Variants in MCF2L observed in about 807,000 individuals in gnomAD.
The protein encoded by MCF2L is guanine nucleotide exchange factor DBS.
Under a neutral mutation model 153.4 loss-of-function variants are expected in MCF2L, and 97 were observed. The ratio of observed to expected loss-of-function variants is 0.63; its 90% CI spans 0.54 to 0.75. MCF2L has a LOEUF of 0.75. Ranked by LOEUF, MCF2L falls within the 30% of genes least tolerant of loss-of-function variation. The pLI is 0.00. For missense variants in MCF2L, 1,347 were observed against 1,495.2 expected (o/e 0.90, Z 1.64); for synonymous variants, 659 against 632.2 (o/e 1.04, Z -0.64).
intron 3 of MCF2L, among the ~76,000 whole-genome samples, chr13:113,038,447 A>G (rs2086279105): frequency 6.9e-6 from 1 of 144,786 alleles, no homozygotes; most frequent in Non-Finnish European, 1.5e-5. Context: ...CCTGGGTGAC[A>G]GAGCGAGCCT....
At chr13:113,085,365 G>T (rs74787395) in intron 20 of MCF2L, among the ~76,000 whole-genome samples, 187 bp downstream of exon 20, 2 of 152,186 alleles carry the variant, frequency 1.3e-5, no homozygotes, top group Non-Finnish European at 2.9e-5. Flanking sequence ...GTCTGAGGAC[G>T]CAGGTGAGCA....
chr13:112,921,579 C>T (rs2081353330), intron 2 of MCF2L, among the ~76,000 whole-genome samples: 1 of 152,174 alleles, frequency 6.6e-6, no homozygotes, highest in African/African-American at 2.4e-5. Flanking sequence ...AGTCGGTCAA[C>T]CTGCGAACAC....
chr13:113,063,338 A>T lies in MCF2L; in HGVS notation c.490-966A>T, dbSNP rs116366994. ...ATCCGCTCAGCTGCCTACAGTGTCC[A>T]GACACCCCTGCCTGCACAGCCGCCC... On this transcript the variant is annotated intron_variant, in intron 5 of 29. Coordinates refer to ENST00000535094, the MANE Select transcript of MCF2L (RefSeq NM_001112732.3). Among the ~76,000 whole-genome samples, 1,328 of 151,600 alleles carry T rather than the reference A, an allele frequency of 8.8e-3. 17 individuals are homozygous for T. Among genetic ancestry groups the T allele is most frequent in the African/African-American group, 0.031 (1,265 of 41,302 alleles).
intron 3 of MCF2L, chr13:113,026,999 A>ACC (rs779437803): frequency 1.3e-6 from 1 of 779,124 alleles, no homozygotes; most frequent in Admixed American, 1.7e-5. Flanking sequence ...CTCACACCAG[A>ACC]CAGTGTAGTT....
chr13:113,071,638 A>G (rs1448086243), intron 9 of MCF2L, among the ~76,000 whole-genome samples: 1 of 152,142 alleles, frequency 6.6e-6, no homozygotes, highest in Non-Finnish European at 1.5e-5. Flanking sequence ...CCTTTCTTCC[A>G]CTGGATTTCT....
intron 2 of MCF2L, among the ~76,000 whole-genome samples, chr13:113,023,058 G>T (rs1428876162): frequency 6.6e-6 from 1 of 152,224 alleles, no homozygotes; most frequent in Non-Finnish European, 1.5e-5. Flanking sequence ...CCCTGCAGCC[G>T]CCTTCCCCTT....
At chr13:113,088,252 T>TC in intron 23 of MCF2L, 75 bp from the exon 24 acceptor site, 2 of 1,229,138 alleles carry the variant, frequency 1.6e-6, no homozygotes, top group South Asian at 2.4e-5. Context: ...CTTTGGATGT[T>TC]CCGAGAGTGA....
At chr13:113,038,337 C>T (rs1412477537) in intron 3 of MCF2L, among the ~76,000 whole-genome samples, 1 of 151,866 alleles carries the variant, frequency 6.6e-6, no homozygotes, top group African/African-American at 2.4e-5. Flanking sequence ...TGGTGGTGGG[C>T]ACCTGTAGTC....
At chr13:112,929,266 T>C (rs1316669647) in intron 2 of MCF2L, among the ~76,000 whole-genome samples, 1 of 152,238 alleles carries the variant, frequency 6.6e-6, no homozygotes, top group Admixed American at 6.5e-5. Flanking sequence ...AAGGGGTGTT[T>C]GCTCTTTATT....
At chr13:112,936,790 A>G (rs753679233) in intron 2 of MCF2L, among the ~76,000 whole-genome samples, 71 of 152,230 alleles carry the variant, frequency 4.7e-4, no homozygotes, top group Non-Finnish European at 7.9e-4. Context: ...GAATTTGCAT[A>G]TAACCTACGT....
At chr13:112,939,479 G>T (rs1221733741) in intron 2 of MCF2L, among the ~76,000 whole-genome samples, 1 of 152,140 alleles carries the variant, frequency 6.6e-6, no homozygotes, top group Non-Finnish European at 1.5e-5. Context: ...TCAACCTCTG[G>T]TCTCTAATAA....
chr13:112,928,759 T>C (rs985057819), intron 2 of MCF2L, among the ~76,000 whole-genome samples: 15 of 152,234 alleles, frequency 9.9e-5, no homozygotes, highest in African/African-American at 3.4e-4. Context: ...ACCATATGTT[T>C]TTTAAAAACA....
intron 2 of MCF2L, among the ~76,000 whole-genome samples, chr13:112,916,105 G>A (rs2081289125): frequency 6.6e-6 from 1 of 152,118 alleles, no homozygotes; most frequent in African/African-American, 2.4e-5. Context: ...CTACTCAGGA[G>A]GCTGAGGCAG....
In MCF2L at chr13:113,096,440, G is replaced by C; in HGVS notation, c.3145G>C (p.Gly1049Arg). 1 of 1,594,810 alleles carries C rather than the reference G, an allele frequency of 6.3e-7. No individual in the cohort carries two copies. The highest frequency in any genetic ancestry group is 8.5e-7 in the Non-Finnish European group (1 of 1,171,948). The change falls in exon 28 of 30, where the codon GGG (glycine) becomes CGG (arginine). Residue 1049 changes from glycine (G) to arginine (R), a missense_variant. Around this residue, in one of 3 missense-constraint regions of MCF2L, gnomAD observed 383 missense variants for 335.4 expected, o/e 1.14. Transcript: ENST00000535094. Reference protein sequence around the residue: ...GGPDALRVRSGDVVELVQEGD... With the variant: ...GGPDALRVRSRDVVELVQEGD... ...CCCCGATGCGCTGCGCGTGAGGAGC[G>C]GGGACGTGGTGGAGCTGGTGCAGGA...
At chr13:112,929,417 C>A (rs1377126356) in intron 2 of MCF2L, among the ~76,000 whole-genome samples, 1 of 152,218 alleles carries the variant, frequency 6.6e-6, no homozygotes, top group East Asian at 1.9e-4. Context: ...ACTTATAGGC[C>A]AGGAAATGGG....
intron 2 of MCF2L, among the ~76,000 whole-genome samples, chr13:112,963,940 C>G (rs1393841744): frequency 6.6e-6 from 1 of 152,242 alleles, no homozygotes; most frequent in Non-Finnish European, 1.5e-5. Flanking sequence ...AGATTCCACC[C>G]CAAGGACGCA....
At chr13:112,973,171 G>A (rs1050727910) in intron 1 of MCF2L, among the ~76,000 whole-genome samples, 1 of 152,122 alleles carries the variant, frequency 6.6e-6, no homozygotes, top group Non-Finnish European at 1.5e-5. Flanking sequence ...GGTTTCTGAC[G>A]GACGCCTTAG....
intron 7 of MCF2L, 95 bp downstream of exon 7, chr13:113,065,180 T>C (rs2032173866): frequency 2.7e-6 from 4 of 1,479,786 alleles, no homozygotes; most frequent in Admixed American, 1.7e-5. Flanking sequence ...GGGTCTTTCG[T>C]CCCAGCGGGA....
chr13:112,962,373 G>C (rs1284805705), intron 2 of MCF2L, among the ~76,000 whole-genome samples: 2 of 152,234 alleles, frequency 1.3e-5, no homozygotes, highest in African/African-American at 4.8e-5. Context: ...TTTCCATCTA[G>C]TGAGGTGGTG....
Sources: gnomAD v4.1 joint callset for allele counts (sites outside exome capture counted in the v4.1 genomes callset) on GRCh38, gnomAD v4.1.1 for gene constraint, gnomAD v4.1.1 regional missense constraint, MANE v1.5 for transcripts, NCBI Gene and HGNC (gene_info 2026-07-23, HGNC 2026-07-21) for gene names.